The following DLGAP2 variants were observed in gnomAD, a reference collection of about 807,000 sequenced individuals.
The protein encoded by DLGAP2 is DLG associated protein 2, also known as disks large-associated protein 2.
DLGAP2 carries 26 observed loss-of-function variants against 100.3 expected under a neutral mutation model. The observed-to-expected ratio is 0.26, with a 90% CI of 0.19 to 0.36. DLGAP2 has a LOEUF of 0.36. DLGAP2 is among the 10% of genes least tolerant of loss of function. DLGAP2 has a pLI of 1.00. For synonymous variants in DLGAP2, 886 were observed against 630.1 expected, an observed-to-expected ratio of 1.41 and a Z score of -6.08; for missense variants, 1,858 against 1,453.2, an observed-to-expected ratio of 1.28 and a Z score of -4.53.
intron 13 of DLGAP2, among the ~76,000 whole-genome samples, chr8:1,694,856 C>CT (rs56181723): frequency 3.3e-4 from 49 of 148,564 alleles, no homozygotes; most frequent in East Asian, 1.4e-3. Flanking sequence ...CAACCATTGA[C>CT]TTTTTTTTTT....
intron 4 of DLGAP2, among the ~76,000 whole-genome samples, chr8:1,512,288 C>T (rs1028434309): frequency 3.3e-5 from 5 of 152,180 alleles, no homozygotes; most frequent in African/African-American, 1.2e-4. Flanking sequence ...AAAAATAACC[C>T]ATGAATGTTA....
chr8:1,272,097 T>C (rs185579429), intron 3 of DLGAP2, among the ~76,000 whole-genome samples: 9 of 152,348 alleles, frequency 5.9e-5, no homozygotes, highest in Admixed American at 2.0e-4. Flanking sequence ...ATTACAGGCA[T>C]GAGCAACCAT....
chr8:850,055 T>C (rs1207723002), intron 1 of DLGAP2, among the ~76,000 whole-genome samples: 1 of 122,108 alleles, frequency 8.2e-6, no homozygotes, highest in African/African-American at 2.9e-5. Context: ...AGAAGGAGAC[T>C]GTCTAAAAAA....
chr8:1,699,633 A>G (rs1799512629), intron 14 of DLGAP2, among the ~76,000 whole-genome samples: 1 of 151,958 alleles, frequency 6.6e-6, no homozygotes, highest in South Asian at 2.1e-4. Flanking sequence ...AAGAAAGAAA[A>G]TGGAAATGGT....
rs115791427 is a variant in DLGAP2, at chr8:1,413,995, T to G, written c.107-87371T>G. Among the ~76,000 whole-genome samples the G allele has an allele frequency of 5.4e-3, 827 of 152,168 alleles. 3 individuals carry two copies. The highest frequency in any genetic ancestry group is 0.019 in the African/African-American group (784 of 41,514). On this transcript the variant is annotated intron_variant, in intron 3 of 14. Coordinates refer to ENST00000637795, the MANE Select transcript of DLGAP2 (RefSeq NM_001346810.2). ...ACAGGGTGCTGTGATTGAAAGCAAA[T>G]AGTCAAAAAGTGCAGCTCAGGGCAC...
chr8:1,278,492 C>T (rs966936361), intron 3 of DLGAP2, among the ~76,000 whole-genome samples: 1 of 152,144 alleles, frequency 6.6e-6, no homozygotes, highest in East Asian at 1.9e-4. Flanking sequence ...CTTAAAAAAA[C>T]AACTGCATAT....
intron 10 of DLGAP2, among the ~76,000 whole-genome samples, chr8:1,670,698 C>T (rs934659092): frequency 3.9e-5 from 6 of 152,188 alleles, no homozygotes; most frequent in African/African-American, 9.6e-5. Context: ...GAAAAAAAAA[C>T]GCACAACATC....
At chr8:1,238,203 C>G (rs1440500269) in intron 2 of DLGAP2, among the ~76,000 whole-genome samples, 1 of 32,600 alleles carries the variant, frequency 3.1e-5, no homozygotes, top group African/African-American at 1.7e-4. Flanking sequence ...ATGTCTAGTT[C>G]TCTCTCACAT....
chr8:1,568,048 C>T (rs1357773891), intron 6 of DLGAP2, among the ~76,000 whole-genome samples: 2 of 152,034 alleles, frequency 1.3e-5, no homozygotes, highest in South Asian at 2.1e-4. Flanking sequence ...TCCACTCTGC[C>T]CATGGCCCCC....
intron 3 of DLGAP2, among the ~76,000 whole-genome samples, chr8:1,275,901 T>TAA (rs1563056397): frequency 1.5e-3 from 124 of 82,900 alleles, no homozygotes; most frequent in African/African-American, 4.3e-3. Flanking sequence ...AATATATAAA[T>TAA]ATATATAATA....
intron 1 of DLGAP2, among the ~76,000 whole-genome samples, chr8:774,131 C>T (rs1821444939): frequency 6.6e-6 from 1 of 152,148 alleles, no homozygotes; most frequent in Non-Finnish European, 1.5e-5. Flanking sequence ...TGTTTTTTGG[C>T]TGCATAAATG....
At chr8:1,414,141 G>C (rs1214850431) in intron 3 of DLGAP2, among the ~76,000 whole-genome samples, 1 of 152,176 alleles carries the variant, frequency 6.6e-6, no homozygotes, top group South Asian at 2.1e-4. Context: ...AAAGTGAAGT[G>C]TTCAGGGTTG....
intron 2 of DLGAP2, among the ~76,000 whole-genome samples, chr8:1,145,138 A>G (rs1257235264): frequency 6.6e-6 from 1 of 152,212 alleles, no homozygotes; most frequent in African/African-American, 2.4e-5. Flanking sequence ...GGTGGCCAGG[A>G]GGATGGAGAC....
At chr8:1,187,665 A>T (rs1474506358) in intron 2 of DLGAP2, among the ~76,000 whole-genome samples, 1 of 128,048 alleles carries the variant, frequency 7.8e-6, no homozygotes, top group Non-Finnish European at 1.6e-5. Context: ...CGTGCCCGGG[A>T]CCTCTGTGAC....
At chr8:1,437,304 T>C (rs1407865538) in intron 3 of DLGAP2, among the ~76,000 whole-genome samples, 1 of 152,162 alleles carries the variant, frequency 6.6e-6, no homozygotes, top group Non-Finnish European at 1.5e-5. Flanking sequence ...CGCGAAGCCA[T>C]GCGGGTTTGT....
At chr8:1,419,441 C>CGT (rs71190735) in intron 3 of DLGAP2, among the ~76,000 whole-genome samples, 2,699 of 52,838 alleles carry the variant, frequency 0.051, 398 homozygotes, top group East Asian at 0.13. Context: ...CACTCTGATA[C>CGT]GTGTGTGTGT....
chr8:1,351,330 G>C (rs1282127438), intron 3 of DLGAP2, among the ~76,000 whole-genome samples: 1 of 70,228 alleles, frequency 1.4e-5, no homozygotes, highest in Non-Finnish European at 2.9e-5. Flanking sequence ...AGGCCGTGCG[G>C]GTCCTGAGTG....
intron 3 of DLGAP2, among the ~76,000 whole-genome samples, chr8:1,410,389 C>T (rs1036823209): frequency 1.3e-5 from 2 of 152,198 alleles, no homozygotes; most frequent in Non-Finnish European, 2.9e-5. Flanking sequence ...GCCAGTCTGA[C>T]CCCTTTGAAA....
At chr8:1,528,244 G>C (rs1800863115) in intron 4 of DLGAP2, among the ~76,000 whole-genome samples, 1 of 152,216 alleles carries the variant, frequency 6.6e-6, no homozygotes, top group Non-Finnish European at 1.5e-5. Flanking sequence ...CCACTGGCCA[G>C]GTCTAGGCCC....
Sources: gnomAD v4.1 joint callset for allele counts (sites outside exome capture counted in the v4.1 genomes callset) on GRCh38, gnomAD v4.1.1 for gene constraint, MANE v1.5 for transcripts, NCBI Gene and HGNC (gene_info 2026-07-23, HGNC 2026-07-21) for gene names.